Variants in PNPLA5 observed in about 807,000 individuals in gnomAD.
PNPLA5 encodes the protein patatin-like phospholipase domain-containing protein 5.
In PNPLA5, 44 loss-of-function variants were observed where a neutral mutation model predicts 49.1. The observed-to-expected ratio is 0.90, with a 90% confidence interval of 0.70 to 1.15. PNPLA5 has a LOEUF of 1.15. PNPLA5 is among the 50% of genes most tolerant of loss of function. The pLI, the probability that PNPLA5 is intolerant of heterozygous loss-of-function variation, is 0.00. For missense variants in PNPLA5, 603 were observed against 564.0 expected (o/e 1.07, Z -0.70); for synonymous variants, 243 against 244.4 (o/e 0.99, Z 0.06).
chr22:43,891,753 C>A lies in PNPLA5; in HGVS notation c.128G>T (p.Arg43Leu), dbSNP rs986604959. 1 of 1,541,894 alleles carries A rather than the reference C, an allele frequency of 6.5e-7. No homozygotes were observed. The highest frequency in any genetic ancestry group is 1.2e-5 in the South Asian group (1 of 82,938). Reference protein sequence around the residue: ...QRAPRLLQGARRIYGSSSGAL... With the variant: ...QRAPRLLQGALRIYGSSSGAL... ...CCCAGACGAGGAACCGTAGATGCGG[C>A]GGGCGCCCTGGAGGAGGCGCGGGGC... Residue 43 changes from arginine to leucine, a missense_variant, in exon 1 of 9, where the codon CGC (arginine) becomes CTC (leucine). By Grantham distance (102) the Arg-to-Leu change is moderately radical. Coordinates refer to ENST00000216177, the MANE Select transcript of PNPLA5 (RefSeq NM_138814.4).
intron 7 of PNPLA5, among the ~76,000 whole-genome samples, chr22:43,883,174 C>T (rs915951890): frequency 6.6e-6 from 1 of 152,226 alleles, no homozygotes; most frequent in Non-Finnish European, 1.5e-5. Context: ...AGATTATAGC[C>T]TAAGAGTCAT....
In PNPLA5 at chr22:43,887,668, C is replaced by T; in HGVS notation, c.703-17G>A. On this transcript the variant is annotated splice_polypyrimidine_tract_variant and intron_variant, in intron 4 of 8. Transcript: ENST00000216177. ...GGCCACTACCTGCCAACACACAGGG[C>T]AAGGGTGAGATGGGCAAGGCCTGGA... is the stretch of plus-strand genomic sequence containing the variant. The T allele has an allele frequency of 6.3e-7, 1 of 1,595,460 alleles. No homozygotes were observed.
intron 4 of PNPLA5, 53 bp from the exon 5 acceptor site, chr22:43,887,704 G>A (rs375196880): frequency 3.4e-4 from 534 of 1,564,818 alleles, no homozygotes; most frequent in Non-Finnish European, 4.0e-4. Context: ...CCTACCCCTC[G>A]AGTGGATGTC....
intron 6 of PNPLA5, among the ~76,000 whole-genome samples, 168 bp downstream of exon 6, chr22:43,886,135 G>A (rs1047025084): frequency 6.6e-6 from 1 of 152,168 alleles, no homozygotes; most frequent in African/African-American, 2.4e-5. Context: ...AAGAATGAAC[G>A]ATGCCACATG....
chr22:43,884,467 C>T, intron 6 of PNPLA5, 122 bp from the exon 7 acceptor site: 1 of 1,338,836 alleles, frequency 7.5e-7, no homozygotes, highest in Non-Finnish European at 9.6e-7. Flanking sequence ...GAAGAAGCAA[C>T]ACTGAGCAAG....
At chr22:43,890,303 A>G (rs1234860949) in intron 2 of PNPLA5, among the ~76,000 whole-genome samples, 2 of 152,164 alleles carry the variant, frequency 1.3e-5, no homozygotes, top group Admixed American at 1.3e-4. Flanking sequence ...CCTCCCAGAG[A>G]GAGTTGGGAC....
At chr22:43,885,114 C>T (rs963529355) in intron 6 of PNPLA5, among the ~76,000 whole-genome samples, 1 of 152,254 alleles carries the variant, frequency 6.6e-6, no homozygotes. Flanking sequence ...CAATTCCCTT[C>T]CCAAATGGCG....
chr22:43,879,949 C>T lies in PNPLA5; in HGVS notation c.*846G>A, dbSNP rs563782850. The T allele has an allele frequency of 7.1e-5, 11 of 153,916 alleles. 1 individual carries two copies. Among genetic ancestry groups the T allele is most frequent in the Admixed American group, 5.2e-4 (8 of 15,330 alleles). 9.5% of individuals were successfully genotyped at this position (153,916 alleles called of 1,614,324 possible). ...TTCCCACGTGTATTCCTTTGCTTCC[C>T]GTTCTCACTCACGCCTCCATCTCTC... On this transcript the variant is annotated 3_prime_UTR_variant, in exon 9 of 9. Coordinates refer to ENST00000216177, the MANE Select transcript of PNPLA5 (RefSeq NM_138814.4).
Position 43,881,586 on chromosome 22 carries a change from T to A in PNPLA5, c.1171A>T (p.Thr391Ser). Residue 391 changes from threonine (T) to serine (S), a missense_variant, in exon 8 of 9, where the codon ACC becomes TCC. Transcript: ENST00000216177. Reference sequence around the variant, plus strand: ...ATGGGCCCAAGGAGCTGGGCCTTGGTCCTGGAGAAAACCTCGAGGGCCATG... The same window carrying A: ...ATGGGCCCAAGGAGCTGGGCCTTGGACCTGGAGAAAACCTCGAGGGCCATG... ...RNMALEVFSR[T>S]KAQLLGPISP... 6.2e-7 allele frequency: 1 copy of A among 1,608,314 alleles called. No individual in the cohort carries two copies. The highest frequency in any genetic ancestry group is 8.5e-7 in the Non-Finnish European group (1 of 1,177,462).
In PNPLA5 at chr22:43,879,750, C is replaced by CG. The variant is rs1342881131; in HGVS notation, c.*1044dup. On this transcript the variant is annotated 3_prime_UTR_variant, in exon 9 of 9. Coordinates refer to ENST00000216177, the MANE Select transcript of PNPLA5 (RefSeq NM_138814.4). ...TGTTGCCTGGGCTGGGGTGCAGTGG[C>CG]GTGATCACGGTTCACTGCAGCCTCG... 2.0e-5 allele frequency: 3 copies of CG among 152,076 alleles called. No individual in the cohort carries two copies. The allele number at this position is 152,076 out of a possible 1,614,324, so 9.4% of individuals were successfully genotyped here.
In PNPLA5 at chr22:43,891,797, G is replaced by C. The variant is rs998660950; in HGVS notation, c.84C>G (p.Thr28=). 1 of 1,525,668 alleles carries C rather than the reference G, an allele frequency of 6.6e-7. No individual in the cohort carries two copies. The highest frequency in any genetic ancestry group is 8.8e-7 in the Non-Finnish European group (1 of 1,140,248). The allele number at this position is 1,525,668 out of a possible 1,614,324, so 94.5% of individuals were successfully genotyped here. ...GYLGAHHVGA[T]ECLRQRAPRL... Reference sequence around the variant, plus strand: ...GCGGGGCTCGCTGGCGCAGGCATTCGGTGGCGCCCACGTGGTGGGCGCCCA... The same window carrying C: ...GCGGGGCTCGCTGGCGCAGGCATTCCGTGGCGCCCACGTGGTGGGCGCCCA... Residue 28 remains threonine, a synonymous_variant, in exon 1 of 9, where the codon ACC becomes ACG. Transcript: ENST00000216177.
intron 4 of PNPLA5, among the ~76,000 whole-genome samples, chr22:43,888,123 G>A (rs1052076011): frequency 6.6e-6 from 1 of 152,190 alleles, no homozygotes; most frequent in African/African-American, 2.4e-5. Context: ...TCTGATTAAA[G>A]TCCCACTGGT....
intron 5 of PNPLA5, among the ~76,000 whole-genome samples, chr22:43,887,028 G>T (rs1331247992): frequency 6.6e-6 from 1 of 151,392 alleles, no homozygotes; most frequent in Non-Finnish European, 1.5e-5. Flanking sequence ...TGATGTTCAG[G>T]CTCTCCAGCC....
chr22:43,887,070 AAC>A (rs147288997), intron 5 of PNPLA5, among the ~76,000 whole-genome samples: 24 of 149,370 alleles, frequency 1.6e-4, no homozygotes, highest in Non-Finnish European at 1.9e-4. Context: ...CTGCCCCATG[AAC>A]ACACACACAC....
In PNPLA5 at chr22:43,891,751, G is replaced by A. The variant is rs1472277321; in HGVS notation, c.130C>T (p.Arg44Cys). Reference sequence around the variant, plus strand: ...GCCCCAGACGAGGAACCGTAGATGCGGCGGGCGCCCTGGAGGAGGCGCGGG... The same window carrying A: ...GCCCCAGACGAGGAACCGTAGATGCAGCGGGCGCCCTGGAGGAGGCGCGGG... ...RAPRLLQGARRIYGSSSGALN... is the reference protein window; with the variant it reads ...RAPRLLQGARCIYGSSSGALN... Residue 44 changes from arginine to cysteine, a missense_variant, in exon 1 of 9, where the codon CGC (arginine) becomes TGC (cysteine). Coordinates refer to ENST00000216177, the MANE Select transcript of PNPLA5 (RefSeq NM_138814.4). 3.9e-6 allele frequency: 6 copies of A among 1,542,420 alleles called. No individual in the cohort carries two copies. The highest frequency in any genetic ancestry group is 3.5e-6 in the Non-Finnish European group (4 of 1,144,354).
intron 5 of PNPLA5, among the ~76,000 whole-genome samples, chr22:43,887,108 G>T (rs1359002697): frequency 2.0e-5 from 3 of 151,794 alleles, no homozygotes; most frequent in Non-Finnish European, 2.9e-5. Flanking sequence ...CTGCCATATT[G>T]AGTTATGTGC....
chr22:43,885,695 G>A (rs995792279), intron 6 of PNPLA5, among the ~76,000 whole-genome samples: 1 of 152,140 alleles, frequency 6.6e-6, no homozygotes, highest in African/African-American at 2.4e-5. Context: ...GTACTTTCCT[G>A]TTGTTGCAGT....
chr22:43,887,555 G>T, intron 5 of PNPLA5, 36 bp downstream of exon 5: 1 of 1,601,222 alleles, frequency 6.2e-7, no homozygotes, highest in Non-Finnish European at 8.5e-7. Context: ...CACCATGTGG[G>T]ACATGATCCC....
At chr22:43,888,426 C>CTTTTT (rs11408284) in intron 4 of PNPLA5, among the ~76,000 whole-genome samples, 4 of 84,364 alleles carry the variant, frequency 4.7e-5, no homozygotes, top group Non-Finnish European at 6.4e-5. Flanking sequence ...TTCTTTCCTT[C>CTTTTT]TTTTTTTTTT....
Sources: allele counts gnomAD v4.1 joint callset (sites outside exome capture counted in the v4.1 genomes callset), GRCh38; gene constraint gnomAD v4.1.1; transcripts MANE v1.5; gene names NCBI Gene and HGNC (gene_info 2026-07-23, HGNC 2026-07-21).